Variants in FAF1 observed in about 807,000 individuals in gnomAD.
FAF1 encodes the protein Fas associated factor 1, also known as FAS-associated factor 1.
Under a neutral mutation model 92.5 loss-of-function variants are expected in FAF1, and 25 were observed. The ratio of observed to expected loss-of-function variants is 0.27; its 90% CI spans 0.20 to 0.38. The LOEUF is 0.38. Among genes scored for constraint, FAF1 ranks in the 10% least tolerant of loss-of-function variants. FAF1 has a pLI of 1.00. For synonymous variants in FAF1, 234 were observed against 273.2 expected, an observed-to-expected ratio of 0.86 and a Z score of 1.42; for missense variants, 636 against 793.3, an observed-to-expected ratio of 0.80 and a Z score of 2.38.
At position 50,522,699 on chromosome 1, in the gene FAF1, C is replaced by T. The variant is rs547760228; in HGVS notation, c.1494+12670G>A. On this transcript the variant is annotated intron_variant, in intron 15 of 18. Transcript: ENST00000396153. ...TTTTCCAATTTCCAGCCCATAGTAA[C>T]CTGTCGCTTCTCTGCACTCAAGAAT... Among the ~76,000 whole-genome samples, 7 of 152,296 alleles carry T rather than the reference C, an allele frequency of 4.6e-5. 1 individual carries two copies. In the South Asian group the frequency reaches 1.5e-3, roughly 32 times the overall value.
intron 15 of FAF1, among the ~76,000 whole-genome samples, chr1:50,525,669 C>T (rs556296166): frequency 7.2e-5 from 11 of 152,146 alleles, no homozygotes; most frequent in Non-Finnish European, 1.5e-4. Flanking sequence ...CTATTGAGTA[C>T]GATGTTGGCT....
chr1:50,663,253 T>C, intron 7 of FAF1, among the ~76,000 whole-genome samples: 1 of 151,490 alleles, frequency 6.6e-6, no homozygotes. Flanking sequence ...GGTATTAGTA[T>C]CACCTGGAAA....
At chr1:50,878,799 T>C (rs887918574) in intron 1 of FAF1, among the ~76,000 whole-genome samples, 2 of 152,130 alleles carry the variant, frequency 1.3e-5, no homozygotes, top group Admixed American at 1.3e-4. Flanking sequence ...ACCAACCCTA[T>C]GAAGTAGATA....
chr1:50,865,059 T>C (rs1254488101), intron 1 of FAF1, among the ~76,000 whole-genome samples: 1 of 152,168 alleles, frequency 6.6e-6, no homozygotes, highest in African/African-American at 2.4e-5. Context: ...AAAGAAGACA[T>C]TTATGCAGCC....
intron 12 of FAF1, among the ~76,000 whole-genome samples, chr1:50,569,048 G>A (rs762214160): frequency 6.6e-6 from 1 of 152,112 alleles, no homozygotes; most frequent in Non-Finnish European, 1.5e-5. Context: ...AAGACTCGGG[G>A]TTTCTTCATC....
chr1:50,672,219 G>A (rs1232784675), intron 7 of FAF1, among the ~76,000 whole-genome samples: 1 of 151,648 alleles, frequency 6.6e-6, no homozygotes, highest in Non-Finnish European at 1.5e-5. Context: ...TAATTTTTTT[G>A]TATTTTTAGT....
chr1:50,841,741 A>G (rs1644257939), intron 2 of FAF1, among the ~76,000 whole-genome samples: 1 of 152,062 alleles, frequency 6.6e-6, no homozygotes, highest in African/African-American at 2.4e-5. Flanking sequence ...AAAAATAAAA[A>G]GCCAGATAGT....
At position 50,686,878 on chromosome 1, in the gene FAF1, G is replaced by A. The variant is rs895398585; in HGVS notation, c.657+18908C>T. ...GCACCACATTCTGTCGCCCACGCTG[G>A]AGTGCAGTGGCGCGATCTTGGCTCA... On this transcript the variant is annotated intron_variant, in intron 7 of 18. Transcript: ENST00000396153. Among the ~76,000 whole-genome samples, 7 of 152,196 alleles carry A rather than the reference G, an allele frequency of 4.6e-5. No individual in the cohort carries two copies. In the South Asian group the frequency reaches 1.2e-3, roughly 27 times the overall value.
chr1:50,659,374 G>T (rs1655271597), intron 7 of FAF1, among the ~76,000 whole-genome samples: 1 of 152,076 alleles, frequency 6.6e-6, no homozygotes, highest in African/African-American at 2.4e-5. Context: ...AAGTGAGAAA[G>T]AGAGGGGGAA....
intron 1 of FAF1, among the ~76,000 whole-genome samples, chr1:50,873,104 A>G (rs1644541934): frequency 6.6e-6 from 1 of 152,114 alleles, no homozygotes; most frequent in Non-Finnish European, 1.5e-5. Context: ...AAAGATTAAT[A>G]CTTGCTGAAG....
intron 2 of FAF1, among the ~76,000 whole-genome samples, chr1:50,830,093 T>C (rs1252379064): frequency 6.6e-6 from 1 of 152,136 alleles, no homozygotes; most frequent in Non-Finnish European, 1.5e-5. Context: ...GTATCATTCT[T>C]GCTTCTTTTT....
chr1:50,929,826 T>A (rs1182818718), intron 1 of FAF1, among the ~76,000 whole-genome samples: 1 of 152,238 alleles, frequency 6.6e-6, no homozygotes, highest in South Asian at 2.1e-4. Flanking sequence ...CATACTTAGC[T>A]TTTTTATAAT....
At chr1:50,715,959 C>G (rs747954937) in intron 6 of FAF1, among the ~76,000 whole-genome samples, 1 of 152,082 alleles carries the variant, frequency 6.6e-6, no homozygotes, top group Non-Finnish European at 1.5e-5. Flanking sequence ...ATAAAATCAT[C>G]AACAACACAA....
At chr1:50,712,319 T>G (rs948892329) in intron 6 of FAF1, among the ~76,000 whole-genome samples, 2 of 152,182 alleles carry the variant, frequency 1.3e-5, no homozygotes. Flanking sequence ...TTTTGTTTTG[T>G]GATGACTCTG....
chr1:50,668,797 G>A (rs1353508340), intron 7 of FAF1, among the ~76,000 whole-genome samples: 2 of 151,958 alleles, frequency 1.3e-5, no homozygotes, highest in East Asian at 1.9e-4. Flanking sequence ...GAAAATACCA[G>A]GAATACCTTA....
intron 13 of FAF1, among the ~76,000 whole-genome samples, chr1:50,556,059 AC>A (rs1649561585): frequency 6.6e-6 from 1 of 151,016 alleles, no homozygotes; most frequent in Admixed American, 6.6e-5. Flanking sequence ...CTTCAATGAA[AC>A]CCCGTCTCCA....
At chr1:50,913,209 T>C (rs1013890759) in intron 1 of FAF1, among the ~76,000 whole-genome samples, 3 of 152,234 alleles carry the variant, frequency 2.0e-5, no homozygotes. Context: ...ACCCAATACA[T>C]AGCAAACTGC....
chr1:50,900,014 T>C (rs1318653447), intron 1 of FAF1, among the ~76,000 whole-genome samples: 1 of 152,242 alleles, frequency 6.6e-6, no homozygotes, highest in Non-Finnish European at 1.5e-5. Context: ...AGAGATATTT[T>C]ACTTCATAAA....
chr1:50,866,192 A>G (rs1644480534), intron 1 of FAF1, among the ~76,000 whole-genome samples: 1 of 152,022 alleles, frequency 6.6e-6, no homozygotes, highest in Admixed American at 6.6e-5. Context: ...CATAGAAAGG[A>G]CATACCTTAA....
Sources: gnomAD v4.1 joint callset for allele counts (sites outside exome capture counted in the v4.1 genomes callset) on GRCh38, gnomAD v4.1.1 for gene constraint, MANE v1.5 for transcripts, NCBI Gene and HGNC (gene_info 2026-07-23, HGNC 2026-07-21) for gene names.